The following DIP2C variants were observed in gnomAD, a reference collection of about 807,000 sequenced individuals.
DIP2C encodes DIP2 acetate--CoA ligase C (putative).
In DIP2C, 33 loss-of-function variants were observed where a neutral mutation model predicts 192.4. That is an observed-to-expected ratio of 0.17 (90% CI 0.13 to 0.23). DIP2C has a LOEUF of 0.23. DIP2C is among the 10% of genes least tolerant of loss of function. The pLI, the probability that DIP2C is intolerant of heterozygous loss-of-function variation, is 1.00. For missense variants in DIP2C, 1,537 were observed against 2,110.1 expected, an observed-to-expected ratio of 0.73 and a Z score of 5.32; for synonymous variants, 979 against 864.1, an observed-to-expected ratio of 1.13 and a Z score of -2.33.
At chr10:354,454 A>T (rs535050424) in intron 24 of DIP2C, among the ~76,000 whole-genome samples, 15 of 152,328 alleles carry the variant, frequency 9.8e-5, no homozygotes, top group Non-Finnish European at 1.5e-4. Context: ...GCACAGCTGG[A>T]ACAGCTCTAT....
chr10:369,937 C>T (rs1960762186), intron 17 of DIP2C: 2 of 985,000 alleles, frequency 2.0e-6, no homozygotes, highest in South Asian at 4.7e-5. Flanking sequence ...CTCTCTCTCC[C>T]CTCCCTCCAG....
chr10:621,206 C>T (rs1853824756), intron 1 of DIP2C, among the ~76,000 whole-genome samples: 1 of 152,196 alleles, frequency 6.6e-6, no homozygotes, highest in South Asian at 2.1e-4. Context: ...CATAAGCACA[C>T]ACCCCCAGGT....
intron 1 of DIP2C, among the ~76,000 whole-genome samples, chr10:640,905 T>TA (rs1279673904): frequency 7.9e-5 from 12 of 151,990 alleles, no homozygotes; most frequent in African/African-American, 2.7e-4. Context: ...AGGGGCTGCA[T>TA]GAACCAGCAG....
intron 1 of DIP2C, among the ~76,000 whole-genome samples, chr10:660,160 G>C (rs1261374809): frequency 3.3e-5 from 5 of 151,220 alleles, no homozygotes; most frequent in African/African-American, 1.2e-4. Flanking sequence ...GTATGAAACA[G>C]AGATTCTAGC....
At chr10:343,007 C>T (rs1443736527) in intron 28 of DIP2C, among the ~76,000 whole-genome samples, 4 of 152,094 alleles carry the variant, frequency 2.6e-5, no homozygotes, top group African/African-American at 7.2e-5. Flanking sequence ...AAACACGTCA[C>T]GGCTGGGCAA....
At chr10:524,859 A>G (rs1846955247) in intron 1 of DIP2C, among the ~76,000 whole-genome samples, 1 of 151,886 alleles carries the variant, frequency 6.6e-6, no homozygotes, top group African/African-American at 2.4e-5. Flanking sequence ...TTAAAGCGTA[A>G]TGATGTCCAC....
intron 18 of DIP2C, among the ~76,000 whole-genome samples, chr10:368,599 T>C (rs1485349383): frequency 2.0e-5 from 3 of 152,220 alleles, no homozygotes; most frequent in Non-Finnish European, 2.9e-5. Context: ...CTGGAGTGCC[T>C]GGCCCTAGCG....
chr10:429,720 A>G (rs1966838135), intron 4 of DIP2C, among the ~76,000 whole-genome samples: 1 of 151,654 alleles, frequency 6.6e-6, no homozygotes, highest in Non-Finnish European at 1.5e-5. Flanking sequence ...GAGCTCATTT[A>G]TTTTCAGCAT....
intron 32 of DIP2C, among the ~76,000 whole-genome samples, chr10:307,660 AAG>A (rs1956383229): frequency 6.6e-6 from 1 of 152,134 alleles, no homozygotes; most frequent in African/African-American, 2.4e-5. Flanking sequence ...AGAAAGGTCA[AAG>A]AGAGAACATC....
At chr10:661,512 T>G (rs1856760065) in intron 1 of DIP2C, among the ~76,000 whole-genome samples, 1 of 152,218 alleles carries the variant, frequency 6.6e-6, no homozygotes, top group African/African-American at 2.4e-5. Context: ...CTCCCCTCGC[T>G]GCCTCCAGCT....
At chr10:409,114 C>T (rs1965011003) in intron 8 of DIP2C, 97 bp from the exon 9 acceptor site, 5 of 1,267,268 alleles carry the variant, frequency 3.9e-6, no homozygotes, top group Non-Finnish European at 5.5e-6. Flanking sequence ...ATTCTGCTTC[C>T]TGCGTATCAT....
Position 678,698 on chromosome 10 carries a change from GTTCTCCCCA to G in DIP2C, c.85+10787_85+10795del, listed in dbSNP as rs1564335201. ...CCCCACGCCCATGCTCCCCACACCC[GTTCTCCCCA>G]CGCCCATGCTCCCCACACCCGTGCT... On this transcript the variant is annotated intron_variant, in intron 1 of 36. Transcript: ENST00000280886. 5.6e-3 allele frequency among the ~76,000 whole-genome samples: 39 copies of G among 6,998 alleles called. 2 individuals carry two copies. Among genetic ancestry groups the G allele is most frequent in the African/African-American group, 7.5e-3 (34 of 4,536 alleles). 4.6% of individuals were successfully genotyped at this position (6,998 alleles called of 152,430 possible).
chr10:439,725 C>G (rs894666142), intron 4 of DIP2C, among the ~76,000 whole-genome samples: 2 of 148,468 alleles, frequency 1.3e-5, no homozygotes, highest in African/African-American at 2.6e-5. Context: ...GGTGAATACT[C>G]AGGAGCTACT....
chr10:491,266 A>T (rs994131103), intron 1 of DIP2C, among the ~76,000 whole-genome samples: 1 of 152,182 alleles, frequency 6.6e-6, no homozygotes, highest in Non-Finnish European at 1.5e-5. Flanking sequence ...ACACAGACCC[A>T]CTCGGCAGTG....
At chr10:515,030 T>C (rs1454291435) in intron 1 of DIP2C, among the ~76,000 whole-genome samples, 1 of 152,226 alleles carries the variant, frequency 6.6e-6, no homozygotes, top group Non-Finnish European at 1.5e-5. Flanking sequence ...AGCAGGCAGA[T>C]AGTAATTTTC....
intron 1 of DIP2C, among the ~76,000 whole-genome samples, chr10:609,829 C>T (rs1440399773): frequency 6.6e-6 from 1 of 152,120 alleles, no homozygotes; most frequent in Non-Finnish European, 1.5e-5. Flanking sequence ...TCACTGGGAC[C>T]CCTGCTTGGT....
At chr10:512,882 C>T (rs1846104591) in intron 1 of DIP2C, among the ~76,000 whole-genome samples, 1 of 144,770 alleles carries the variant, frequency 6.9e-6, no homozygotes, top group Admixed American at 6.9e-5. Flanking sequence ...CCACTGTACT[C>T]CACTCCAGCC....
chr10:585,726 G>C (rs17159707), intron 1 of DIP2C, among the ~76,000 whole-genome samples: 18,900 of 152,048 alleles, frequency 0.12, 2,350 homozygotes, highest in African/African-American at 0.32. Flanking sequence ...AAACGCCGCT[G>C]CAAGGTACAA....
intron 1 of DIP2C, among the ~76,000 whole-genome samples, chr10:592,107 C>T (rs906264519): frequency 6.6e-6 from 1 of 152,096 alleles, no homozygotes; most frequent in African/African-American, 2.4e-5. Context: ...CTGTTATAAA[C>T]GTATAATTAG....
Sources: gnomAD v4.1 joint callset for allele counts (sites outside exome capture counted in the v4.1 genomes callset) on GRCh38, gnomAD v4.1.1 for gene constraint, MANE v1.5 for transcripts, NCBI Gene and HGNC (gene_info 2026-07-23, HGNC 2026-07-21) for gene names.